The following ULK4 variants were observed in gnomAD, a reference collection of about 807,000 sequenced individuals.
ULK4 encodes the protein inactive serine/threonine-protein kinase ULK4.
A neutral mutation model predicts 160.6 loss-of-function variants in ULK4; 133 were observed. That is an observed-to-expected ratio of 0.83 (90% confidence interval 0.72 to 0.96). The LOEUF (loss-of-function observed/expected upper bound fraction) is 0.96, where lower values mean the gene tolerates loss of function less well. Among genes scored for constraint, ULK4 ranks in the 40% least tolerant of loss-of-function variants. The pLI, the probability that ULK4 is intolerant of heterozygous loss-of-function variation, is 0.00. For synonymous variants in ULK4, 534 were observed against 539.8 expected (o/e 0.99, Z 0.15); for missense variants, 1,580 against 1,499.5 (o/e 1.05, Z -0.89).
intron 32 of ULK4, among the ~76,000 whole-genome samples, chr3:41,468,614 A>C (rs549175909): frequency 4.1e-4 from 62 of 152,194 alleles, no homozygotes; most frequent in Non-Finnish European, 8.7e-4. Context: ...AATAAGCCTG[A>C]GTCACCTGTG....
At chr3:41,933,770 C>T (rs772970241) in intron 4 of ULK4, among the ~76,000 whole-genome samples, 13 of 152,052 alleles carry the variant, frequency 8.5e-5, no homozygotes, top group South Asian at 6.2e-4. Context: ...TGGTTTTTAG[C>T]CAGGCATGGT....
intron 35 of ULK4, among the ~76,000 whole-genome samples, chr3:41,333,741 G>A (rs1170272263): frequency 6.6e-6 from 1 of 152,062 alleles, no homozygotes; most frequent in African/African-American, 2.4e-5. Context: ...CTGGCTGTTC[G>A]GGATAGAAAC....
At chr3:41,283,514 G>A (rs1425263401) in intron 35 of ULK4, among the ~76,000 whole-genome samples, 1 of 152,108 alleles carries the variant, frequency 6.6e-6, no homozygotes, top group Non-Finnish European at 1.5e-5. Context: ...GGATGAAGCT[G>A]GAAACCATCA....
chr3:41,957,548 A>G (rs1307008295), intron 1 of ULK4, among the ~76,000 whole-genome samples: 1 of 151,824 alleles, frequency 6.6e-6, no homozygotes, highest in African/African-American at 2.4e-5. Flanking sequence ...ACATATCTAC[A>G]TATCAAAACA....
chr3:41,262,911 G>C (rs1013497129), intron 35 of ULK4, among the ~76,000 whole-genome samples: 3 of 132,538 alleles, frequency 2.3e-5, no homozygotes, highest in East Asian at 4.2e-4. Flanking sequence ...TCCAAAATAA[G>C]TGAGGACACA....
chr3:41,775,121 A>G (rs1209459378), intron 21 of ULK4, among the ~76,000 whole-genome samples: 1 of 149,780 alleles, frequency 6.7e-6, no homozygotes, highest in Non-Finnish European at 1.5e-5. Flanking sequence ...ACCTAATGCT[A>G]AATGACCAGT....
At chr3:41,377,290 T>A (rs943049592) in intron 35 of ULK4, among the ~76,000 whole-genome samples, 1 of 152,220 alleles carries the variant, frequency 6.6e-6, no homozygotes, top group African/African-American at 2.4e-5. Context: ...AACCTAGGCA[T>A]TACCATCAGG....
At chr3:41,341,843 T>G (rs1029360663) in intron 35 of ULK4, among the ~76,000 whole-genome samples, 1 of 152,178 alleles carries the variant, frequency 6.6e-6, no homozygotes, top group Non-Finnish European at 1.5e-5. Context: ...AATAGTCAAA[T>G]GAATGGCAAT....
At chr3:41,460,592 G>A (rs936397491) in intron 33 of ULK4, among the ~76,000 whole-genome samples, 15 of 152,080 alleles carry the variant, frequency 9.9e-5, no homozygotes, top group African/African-American at 3.4e-4. Flanking sequence ...TAACTCATAA[G>A]CCTGCTAGGA....
chr3:41,315,450 C>A (rs993963318), intron 35 of ULK4, among the ~76,000 whole-genome samples: 5 of 152,120 alleles, frequency 3.3e-5, no homozygotes, highest in African/African-American at 1.2e-4. Flanking sequence ...AAGGCCCATT[C>A]CCAGAGAAAC....
intron 22 of ULK4, among the ~76,000 whole-genome samples, chr3:41,750,668 C>T (rs56237519): frequency 0.085 from 12,892 of 152,072 alleles, 1,757 homozygotes; most frequent in African/African-American, 0.29. Flanking sequence ...AAAATTCCTT[C>T]TTTGTCTCTT....
At chr3:41,745,090 G>A (rs1254214188) in intron 22 of ULK4, among the ~76,000 whole-genome samples, 1 of 151,324 alleles carries the variant, frequency 6.6e-6, no homozygotes, top group Non-Finnish European at 1.5e-5. Context: ...TAGAAATAAT[G>A]CTACATGAGA....
chr3:41,803,980 T>C (rs1036094213), intron 19 of ULK4, among the ~76,000 whole-genome samples: 5 of 152,044 alleles, frequency 3.3e-5, no homozygotes, highest in African/African-American at 7.3e-5. Flanking sequence ...GCATGATTTA[T>C]AGTCCTTTGG....
At chr3:41,893,762 A>G (rs907903043) in intron 16 of ULK4, among the ~76,000 whole-genome samples, 2 of 152,162 alleles carry the variant, frequency 1.3e-5, no homozygotes, top group African/African-American at 4.8e-5. Flanking sequence ...CGTAATATAT[A>G]TGTTACAGGG....
chr3:41,552,050 G>A (rs1025514775), intron 32 of ULK4, among the ~76,000 whole-genome samples: 7 of 151,938 alleles, frequency 4.6e-5, no homozygotes, highest in Middle Eastern at 3.4e-3. Context: ...GTATTAACAC[G>A]GTTCAATATC....
intron 17 of ULK4, among the ~76,000 whole-genome samples, chr3:41,856,512 A>ATATATATATATATATATATAT (rs2042339374): frequency 1.0e-5 from 1 of 99,190 alleles, no homozygotes; most frequent in African/African-American, 3.6e-5. Context: ...TAAATAAATA[A>ATATATATATATATATATATAT]ATATATATAT....
At position 41,466,273 on chromosome 3, in the gene ULK4, G is replaced by GAGC; in HGVS notation, c.3227-3021_3227-3020insGCT. ...AGTCCATGGTCTGAGCATTCGGGGT[G>GAGC]TTCATTGCTACTGAGTCACTGATTC... On this transcript the variant is annotated intron_variant, in intron 32 of 36. Transcript: ENST00000301831. Among the ~76,000 whole-genome samples the GAGC allele has an allele frequency of 2.0e-5, 3 of 152,252 alleles. No individual in the cohort carries two copies. The South Asian group carries it at 6.2e-4, about 32-fold the overall frequency.
At chr3:41,323,391 AACAC>A (rs34357899) in intron 35 of ULK4, among the ~76,000 whole-genome samples, 3,994 of 120,256 alleles carry the variant, frequency 0.033, 58 homozygotes, top group Middle Eastern at 0.046. Context: ...CCTGAACAAT[AACAC>A]ACACACACAC....
chr3:41,447,731 T>C lies in ULK4; in HGVS notation c.3492+7766A>G, dbSNP rs527635451. On this transcript the variant is annotated intron_variant, in intron 34 of 36. Transcript: ENST00000301831. ...TTGCGGTGGCTATAAGCACAGCAAT[T>C]TTCCAGAAATACATGGGTCCCTGGT... 4.6e-5 allele frequency among the ~76,000 whole-genome samples: 7 copies of C among 152,236 alleles called. No individual in the cohort carries two copies. In the East Asian group the frequency reaches 1.4e-3, roughly 29 times the overall value.
Sources: allele counts gnomAD v4.1 joint callset (sites outside exome capture counted in the v4.1 genomes callset), GRCh38; gene constraint gnomAD v4.1.1; transcripts MANE v1.5; gene names NCBI Gene and HGNC (gene_info 2026-07-23, HGNC 2026-07-21).